TSBP1: variants seen among roughly 807,000 people sequenced by gnomAD.
TSBP1 encodes the protein testis expressed basic protein 1.
In TSBP1, 56 loss-of-function variants were observed where a neutral mutation model predicts 68.8. The observed-to-expected ratio is 0.81, with a 90% confidence interval of 0.66 to 1.02. The LOEUF (loss-of-function observed/expected upper bound fraction) is 1.02. TSBP1 is among the 50% of genes least tolerant of loss of function. TSBP1 has a pLI of 0.00. For synonymous variants in TSBP1, 171 were observed against 208.7 expected (o/e 0.82, Z 1.56); for missense variants, 502 against 641.2 (o/e 0.78, Z 2.34).
chr6:32,351,958 G>A lies in TSBP1; in HGVS notation c.260-2129C>T, dbSNP rs867980496. On this transcript the variant is annotated intron_variant, in intron 8 of 22. Coordinates refer to ENST00000612031, the Ensembl canonical transcript of TSBP1. ...AACAATAATAAATAATAAACAACAAGCAAATGGAATAAATCTTCAAAGTAC... is the reference window on the plus strand; with the variant it reads ...AACAATAATAAATAATAAACAACAAACAAATGGAATAAATCTTCAAAGTAC... Among the ~76,000 whole-genome samples the A allele has an allele frequency of 3.1e-4, 47 of 151,972 alleles. 1 individual carries two copies. Among genetic ancestry groups the A allele is most frequent in the African/African-American group, 1.1e-3 (46 of 41,492 alleles).
intron 9 of TSBP1, among the ~76,000 whole-genome samples, chr6:32,348,441 C>T (rs983535337): frequency 3.1e-5 from 4 of 129,280 alleles, no homozygotes; most frequent in Non-Finnish European, 7.0e-5. Context: ...GGTTATGGCA[C>T]AGTATTGGAT....
chr6:32,327,017 T>A (rs1467892952), intron 16 of TSBP1, among the ~76,000 whole-genome samples: 1 of 152,252 alleles, frequency 6.6e-6, no homozygotes, highest in Non-Finnish European at 1.5e-5. Flanking sequence ...CTTTCATTTA[T>A]TCATACAAAT....
chr6:32,329,729 T>C lies in TSBP1; in HGVS notation c.514+860A>G, dbSNP rs551077118. Among the ~76,000 whole-genome samples, 38 of 152,332 alleles carry C rather than the reference T, an allele frequency of 2.5e-4. No individual in the cohort carries two copies. The South Asian group carries it at 6.4e-3, about 26-fold the overall frequency. ...ATCAGATACATGGTAGGAGCTCAGC[T>C]AGATGAAGGAATGTTTGTTTGAATA... On this transcript the variant is annotated intron_variant, in intron 16 of 22. Transcript: ENST00000612031.
In TSBP1 at chr6:32,295,724, A is replaced by G. The variant is rs1316173677; in HGVS notation, c.638-1689T>C. On this transcript the variant is annotated intron_variant, in intron 22 of 22. Coordinates refer to ENST00000612031, the Ensembl canonical transcript of TSBP1. The stretch of plus-strand genomic sequence containing the variant: ...CATAAGTAGTCAATAAATATTGGCC[A>G]TTACTACTTCCCAATGAGATAGTAC... Among the ~76,000 whole-genome samples the G allele has an allele frequency of 2.6e-5, 4 of 152,194 alleles. No individual in the cohort carries two copies. In the East Asian group the frequency reaches 7.7e-4, roughly 29 times the overall value.
intron 18 of TSBP1, among the ~76,000 whole-genome samples, chr6:32,322,900 CT>C (rs1410944382): frequency 7.1e-6 from 1 of 140,854 alleles, no homozygotes; most frequent in East Asian, 2.1e-4. Context: ...CTCCACCCCC[CT>C]GAAAATTCCT....
chr6:32,305,034 TC>T (rs1765655774), intron 19 of TSBP1, among the ~76,000 whole-genome samples: 1 of 152,244 alleles, frequency 6.6e-6, no homozygotes, highest in African/African-American at 2.4e-5. Flanking sequence ...AACAACTGTT[TC>T]AGCACTGACT....
At chr6:32,303,170 A>T (rs1247759655) in intron 19 of TSBP1, among the ~76,000 whole-genome samples, 1 of 152,140 alleles carries the variant, frequency 6.6e-6, no homozygotes, top group East Asian at 1.9e-4. Context: ...TCTGATTGAA[A>T]TATTCCCCCC....
At chr6:32,328,021 G>C (rs1768465592) in intron 16 of TSBP1, among the ~76,000 whole-genome samples, 1 of 151,654 alleles carries the variant, frequency 6.6e-6, no homozygotes, top group Admixed American at 6.6e-5. Flanking sequence ...AGCCAGGATG[G>C]TCTCCATCTC....
At chr6:32,293,208 T>C (rs557589472) in exon 23 of TSBP1, 9 of 1,612,694 alleles carry the variant, frequency 5.6e-6, no homozygotes, top group Non-Finnish European at 7.6e-6. Flanking sequence ...CTCTCCTTCT[T>C]TTCTTGGGCT....
At chr6:32,345,505 A>G (rs752891707) in intron 9 of TSBP1, among the ~76,000 whole-genome samples, 2 of 146,614 alleles carry the variant, frequency 1.4e-5, no homozygotes, top group Non-Finnish European at 3.0e-5. Context: ...TCCTCTACTT[A>G]CTAGCTGTGT....
intron 1 of TSBP1, 115 bp from the exon 2 acceptor site, chr6:32,370,098 G>A: frequency 1.4e-6 from 1 of 703,852 alleles, no homozygotes; most frequent in East Asian, 2.6e-5. Context: ...TCCCCTTTCT[G>A]CTACTTCAAC....
chr6:32,347,255 T>C lies in TSBP1; in HGVS notation c.349+2485A>G, dbSNP rs545448686. 1.1e-3 allele frequency among the ~76,000 whole-genome samples: 163 copies of C among 151,836 alleles called. 1 individual carries two copies. The highest frequency in any genetic ancestry group is 1.6e-3 in the Non-Finnish European group (112 of 67,936). On this transcript the variant is annotated intron_variant, in intron 9 of 22. Coordinates refer to ENST00000612031, the Ensembl canonical transcript of TSBP1. ...CACAATTCACTGTAGCCTTGACCTC[T>C]TGGGCTCAAGTGATCCTCCCACCTC...
In TSBP1 at chr6:32,302,575, A is replaced by T; in HGVS notation, c.601+34T>A. On this transcript the variant is annotated intron_variant, in intron 20 of 22. Transcript: ENST00000612031. The surrounding 1 kb of genome is among the most constrained non-coding windows in gnomAD (Gnocchi z 5.1). The stretch of plus-strand genomic sequence containing the variant: ...AATTTGCTCACCCCAGCCCTACAAG[A>T]AACTAATGTAATAAAAATATATTAG... 1 of 1,417,456 alleles carries T rather than the reference A, an allele frequency of 7.1e-7. No homozygotes were observed. Among genetic ancestry groups the T allele is most frequent in the Non-Finnish European group, 9.8e-7 (1 of 1,021,300 alleles). The allele number at this position is 1,417,456 out of a possible 1,614,324, so 87.8% of individuals were successfully genotyped here.
intron 19 of TSBP1, among the ~76,000 whole-genome samples, chr6:32,303,569 C>T (rs1765513868): frequency 6.6e-6 from 1 of 151,710 alleles, no homozygotes; most frequent in Non-Finnish European, 1.5e-5. Context: ...TTTGAGGTGA[C>T]TTTCTTGTAG....
At chr6:32,326,304 GT>G in intron 16 of TSBP1, 1 of 666,804 alleles carries the variant, frequency 1.5e-6, no homozygotes, top group South Asian at 1.5e-5. Context: ...AAGAAGACAT[GT>G]TTTAGACAAA....
intron 1 of TSBP1, 152 bp downstream of exon 1, chr6:32,371,542 A>G (rs1300952750): frequency 3.0e-6 from 2 of 669,920 alleles, no homozygotes; most frequent in Non-Finnish European, 2.7e-6. Flanking sequence ...AGGCTTCCAG[A>G]GGAATCAATA....
intron 6 of TSBP1, among the ~76,000 whole-genome samples, chr6:32,362,941 G>C (rs1032304685): frequency 2.6e-5 from 4 of 151,998 alleles, no homozygotes; most frequent in Non-Finnish European, 4.4e-5. Flanking sequence ...TTAATTTTCT[G>C]TGTGGATGCT....
chr6:32,321,013 A>G lies in TSBP1; in HGVS notation c.559+2104T>C, dbSNP rs117475045. On this transcript the variant is annotated intron_variant, in intron 18 of 22. Coordinates refer to ENST00000612031, the Ensembl canonical transcript of TSBP1. The surrounding 1 kb of genome is among the most constrained non-coding windows in gnomAD (Gnocchi z 4.3). ...CATCCGTGTTCCAGCAAAGGACATGATCTCATTCTTTTTTTGGCTGCGTAG... is the reference window on the plus strand; with the variant it reads ...CATCCGTGTTCCAGCAAAGGACATGGTCTCATTCTTTTTTTGGCTGCGTAG... 9.7e-4 allele frequency among the ~76,000 whole-genome samples: 147 copies of G among 152,132 alleles called. 1 individual carries two copies. In the East Asian group the frequency reaches 0.028, roughly 29 times the overall value.
chr6:32,322,783 G>A (rs949014043), intron 18 of TSBP1, among the ~76,000 whole-genome samples: 1 of 152,164 alleles, frequency 6.6e-6, no homozygotes, highest in African/African-American at 2.4e-5. Flanking sequence ...TGGGCATAGT[G>A]TTGGGAAAAG....
Sources: allele counts gnomAD v4.1 joint callset (sites outside exome capture counted in the v4.1 genomes callset), GRCh38; gene constraint gnomAD v4.1.1; non-coding constraint Gnocchi (gnomAD v3.1); transcripts MANE v1.5; gene names NCBI Gene and HGNC (gene_info 2026-07-23, HGNC 2026-07-21).